The following KHDRBS2 variants were observed in gnomAD, a reference collection of about 807,000 sequenced individuals.
The protein encoded by KHDRBS2 is KH RNA binding domain containing, signal transduction associated 2.
KHDRBS2 carries 26 observed loss-of-function variants against 44.3 expected under a neutral mutation model. The observed-to-expected ratio is 0.59, with a 90% CI of 0.43 to 0.81. The LOEUF (loss-of-function observed/expected upper bound fraction) is 0.81, where lower values mean the gene tolerates loss of function less well. KHDRBS2 is among the 40% of genes least tolerant of loss of function. KHDRBS2 has a pLI of 0.00. For synonymous variants in KHDRBS2, 194 were observed against 151.1 expected (o/e 1.28, Z -2.08); for missense variants, 476 against 433.1 (o/e 1.10, Z -0.88).
intron 2 of KHDRBS2, among the ~76,000 whole-genome samples, chr6:62,067,289 A>C (rs1177298255): frequency 6.6e-6 from 1 of 151,612 alleles, no homozygotes; most frequent in Non-Finnish European, 1.5e-5. Flanking sequence ...GCGGTATTAG[A>C]AACTAGTAAA....
chr6:61,910,651 G>C (rs183535233), intron 4 of KHDRBS2, among the ~76,000 whole-genome samples: 2 of 152,090 alleles, frequency 1.3e-5, no homozygotes, highest in Admixed American at 1.3e-4. Context: ...ATTTAACTTT[G>C]GCCACACAAG....
intron 4 of KHDRBS2, among the ~76,000 whole-genome samples, chr6:61,945,125 A>ATATATG (rs1813048681): frequency 1.2e-5 from 1 of 83,798 alleles, no homozygotes; most frequent in African/African-American, 4.4e-5. Flanking sequence ...ATATATATAT[A>ATATATG]TATATATATA....
chr6:61,563,142 T>C, the KHDRBS2 span, among the ~76,000 whole-genome samples: 10 of 152,140 alleles, frequency 6.6e-5, no homozygotes, highest in Non-Finnish European at 1.3e-4. Flanking sequence ...TACCAGTTTC[T>C]TCAAGACTTT....
the KHDRBS2 span, among the ~76,000 whole-genome samples, chr6:61,551,367 T>A: frequency 6.6e-6 from 1 of 152,228 alleles, no homozygotes; most frequent in Non-Finnish European, 1.5e-5. Context: ...CTCTTTAGTT[T>A]AATTAGGTCC....
rs570833514 is a variant in KHDRBS2, at chr6:61,771,701, C to T, written c.811-38937G>A. Among the ~76,000 whole-genome samples the T allele has an allele frequency of 2.2e-3, 329 of 152,242 alleles. 1 individual carries two copies. The highest frequency in any genetic ancestry group is 7.4e-3 in the African/African-American group (306 of 41,536). ...GATTCATAAAGCAAGTCTTTAGTGA[C>T]CTACAAAGAGACTTAGACTCACACA... is the stretch of plus-strand genomic sequence containing the variant. On this transcript the variant is annotated intron_variant, in intron 6 of 8. Transcript: ENST00000281156.
the KHDRBS2 span, among the ~76,000 whole-genome samples, chr6:61,639,095 A>C: frequency 6.6e-6 from 1 of 152,142 alleles, no homozygotes; most frequent in Non-Finnish European, 1.5e-5. Flanking sequence ...ATTGGAATAC[A>C]TAAACAGTTT....
chr6:61,830,186 A>G (rs1791571381), intron 6 of KHDRBS2, among the ~76,000 whole-genome samples: 1 of 152,198 alleles, frequency 6.6e-6, no homozygotes, highest in Admixed American at 6.5e-5. Flanking sequence ...AGTGGAGGAT[A>G]TATTGATATG....
chr6:61,628,652 C>A, the KHDRBS2 span, among the ~76,000 whole-genome samples: 5 of 152,170 alleles, frequency 3.3e-5, no homozygotes, highest in African/African-American at 1.2e-4. Flanking sequence ...TAAGTTCCAT[C>A]TCTGCTGTGT....
At chr6:61,686,755 C>T (rs1044160124) in intron 8 of KHDRBS2, among the ~76,000 whole-genome samples, 1 of 151,532 alleles carries the variant, frequency 6.6e-6, no homozygotes, top group African/African-American at 2.4e-5. Flanking sequence ...CTAAATGTCT[C>T]ACTATCTATT....
chr6:61,817,115 C>A (rs145438886), intron 6 of KHDRBS2: 33 of 363,438 alleles, frequency 9.1e-5, no homozygotes, highest in Middle Eastern at 5.3e-4. Context: ...AGTTTTTCTA[C>A]AAAGAATGTA....
intron 2 of KHDRBS2, among the ~76,000 whole-genome samples, chr6:62,162,160 T>G (rs1195513818): frequency 1.3e-5 from 2 of 152,058 alleles, no homozygotes; most frequent in Non-Finnish European, 2.9e-5. Context: ...TTGCTCTTTA[T>G]TTACCTTTAT....
At chr6:62,008,242 C>A (rs2127266426) in intron 3 of KHDRBS2, among the ~76,000 whole-genome samples, 1 of 152,090 alleles carries the variant, frequency 6.6e-6, no homozygotes, top group East Asian at 1.9e-4. Context: ...TTAAAAAGTA[C>A]CAAGTGCTTA....
At chr6:61,567,781 C>T in the KHDRBS2 span, among the ~76,000 whole-genome samples, 3 of 151,714 alleles carry the variant, frequency 2.0e-5, no homozygotes, top group Non-Finnish European at 4.4e-5. Flanking sequence ...CTTTTTCTAC[C>T]TCTTTCTTTC....
Position 62,089,638 on chromosome 6 carries a change from C to T in KHDRBS2, c.220-41644G>A, listed in dbSNP as rs562472824. Among the ~76,000 whole-genome samples the T allele has an allele frequency of 4.6e-5, 7 of 152,278 alleles. No homozygotes were observed. In the South Asian group the frequency reaches 1.0e-3, roughly 23 times the overall value. Reference sequence around the variant, plus strand: ...AATCACCCAACTTCTGCATTGGTCTCGCTGGGAGCTGCAGACTGGAGCTGC... The same window carrying T: ...AATCACCCAACTTCTGCATTGGTCTTGCTGGGAGCTGCAGACTGGAGCTGC... On this transcript the variant is annotated intron_variant, in intron 2 of 8. Coordinates refer to ENST00000281156, the MANE Select transcript of KHDRBS2 (RefSeq NM_152688.4).
chr6:62,080,906 T>C (rs921533975), intron 2 of KHDRBS2, among the ~76,000 whole-genome samples: 1 of 152,148 alleles, frequency 6.6e-6, no homozygotes. Context: ...AGCTCCCTTA[T>C]GGCAGCCTTC....
At chr6:61,579,244 T>C in the KHDRBS2 span, among the ~76,000 whole-genome samples, 2 of 152,168 alleles carry the variant, frequency 1.3e-5, no homozygotes, top group African/African-American at 4.8e-5. Context: ...CGGCTAAACT[T>C]CTCTTCGGTA....
intron 2 of KHDRBS2, among the ~76,000 whole-genome samples, chr6:62,158,080 AATCATT>A (rs1816845172): frequency 6.6e-6 from 1 of 152,196 alleles, no homozygotes; most frequent in Admixed American, 6.5e-5. Context: ...CCTGTAATGT[AATCATT>A]ATCTCCTTTC....
Position 61,909,583 on chromosome 6 carries a change from T to C in KHDRBS2, c.484-8212A>G, listed in dbSNP as rs376860463. ...CATGAAATTCATGACTGCTCCTTTT[T>C]GCCTCTCTGACAAGGCCCTCCCATC... On this transcript the variant is annotated intron_variant, in intron 4 of 8. Transcript: ENST00000281156. 2.3e-3 allele frequency among the ~76,000 whole-genome samples: 348 copies of C among 152,286 alleles called. 2 individuals are homozygous for C. Among genetic ancestry groups the C allele is most frequent in the African/African-American group, 8.1e-3 (338 of 41,542 alleles).
the KHDRBS2 span, among the ~76,000 whole-genome samples, chr6:61,631,720 G>A: frequency 2.6e-5 from 4 of 152,138 alleles, no homozygotes; most frequent in Admixed American, 2.0e-4. Flanking sequence ...AAATGGAGAC[G>A]TAAGTTAGTT....
Sources: allele counts gnomAD v4.1 joint callset (sites outside exome capture counted in the v4.1 genomes callset), GRCh38; gene constraint gnomAD v4.1.1; transcripts MANE v1.5; gene names NCBI Gene and HGNC (gene_info 2026-07-23, HGNC 2026-07-21).